DOCK9: variants seen among roughly 807,000 people sequenced by gnomAD.
The protein encoded by DOCK9 is dedicator of cytokinesis protein 9.
DOCK9 carries 89 observed loss-of-function variants against 263.3 expected under a neutral mutation model. That is an observed-to-expected ratio of 0.34 (90% CI 0.28 to 0.40). The LOEUF (loss-of-function observed/expected upper bound fraction) is 0.40. DOCK9 is among the 10% of genes least tolerant of loss of function. The pLI, the probability that DOCK9 is intolerant of heterozygous loss-of-function variation, is 1.00. For missense variants in DOCK9, 2,140 were observed against 2,603.4 expected (o/e 0.82, Z 3.87); for synonymous variants, 976 against 973.1 (o/e 1.00, Z -0.06).
chr13:98,794,691 C>A lies in DOCK9; in HGVS notation c.6214G>T (p.Ala2072Ser). 1 of 1,613,798 alleles carries A rather than the reference C, an allele frequency of 6.2e-7. No homozygotes were observed. The highest frequency in any genetic ancestry group is 8.5e-7 in the Non-Finnish European group (1 of 1,179,828). Reference sequence around the variant, plus strand: ...GTGCTTGTTGGAGTCCCACTGATGGCGTTGAAGATGTGAAGGGAATTCGGT... The same window carrying A: ...GTGCTTGTTGGAGTCCCACTGATGGAGTTGAAGATGTGAAGGGAATTCGGT... The part of the protein sequence containing the change: ...VLPNSLHIFN[A>S]ISGTPTSTMV... Residue 2072 changes from alanine (A) to serine (S), a missense_variant, in exon 53 of 53, where the codon GCC becomes TCC. Around this residue, in one of 2 missense-constraint regions of DOCK9, gnomAD observed 619 missense variants for 861.8 expected, o/e 0.72. Coordinates refer to ENST00000682017, the MANE Select transcript of DOCK9 (RefSeq NM_001366683.2).
chr13:98,922,273 C>T (rs1420991315), intron 5 of DOCK9, 127 bp from the exon 6 acceptor site: 2 of 591,756 alleles, frequency 3.4e-6, no homozygotes, highest in East Asian at 5.7e-5. Context: ...ACTGAAGCAC[C>T]CATTGACACC....
At chr13:98,856,052 C>T (rs1345302179) in intron 33 of DOCK9, 21 bp from the exon 34 acceptor site, 4 of 1,612,308 alleles carry the variant, frequency 2.5e-6, no homozygotes, top group East Asian at 2.2e-5. Flanking sequence ...ATCAAGCCAA[C>T]AATAAAGTTT....
At chr13:99,056,274 G>A (rs1163935030) in intron 1 of DOCK9, among the ~76,000 whole-genome samples, 1 of 151,682 alleles carries the variant, frequency 6.6e-6, no homozygotes, top group Non-Finnish European at 1.5e-5. Flanking sequence ...AGCTTCCCTG[G>A]CTATCCAATC....
intron 1 of DOCK9, among the ~76,000 whole-genome samples, chr13:98,969,885 C>T (rs1267948930): frequency 3.9e-5 from 6 of 152,334 alleles, no homozygotes; most frequent in Non-Finnish European, 5.9e-5. Flanking sequence ...CAGGCAAATT[C>T]AGGGTCAGCC....
At chr13:98,971,571 T>A (rs1382294920) in intron 1 of DOCK9, among the ~76,000 whole-genome samples, 5 of 65,104 alleles carry the variant, frequency 7.7e-5, no homozygotes, top group African/African-American at 4.3e-4. Context: ...AGCCGGGTGT[T>A]GTGGTGGGTG....
At chr13:98,809,738 A>G (rs918798790) in intron 46 of DOCK9, among the ~76,000 whole-genome samples, 5 of 152,210 alleles carry the variant, frequency 3.3e-5, no homozygotes, top group African/African-American at 1.2e-4. Flanking sequence ...TGGTTCCCCA[A>G]CGTGATTCTT....
In DOCK9 at chr13:98,805,058, T is replaced by G. The variant is rs1414647174; in HGVS notation, c.5666A>C (p.Gln1889Pro). The G allele has an allele frequency of 1.2e-6, 2 of 1,612,124 alleles. No homozygotes were observed. Among genetic ancestry groups the G allele is most frequent in the East Asian group, 2.2e-5 (1 of 44,844 alleles). The change falls in exon 49 of 53, where the codon CAG becomes CCG. Residue 1889 changes from glutamine to proline, a missense_variant. This residue lies in a region of DOCK9 where 619 missense variants were observed against 861.8 expected (regional missense o/e 0.72). Transcript: ENST00000682017. ...RRFMFEMPFT[Q>P]TGKRQGGVEE... ...CACCCCGCCCTGCCTCTTCCCGGTC[T>G]GCGTAAATGGCATCTCAAACATGAA...
intron 1 of DOCK9, among the ~76,000 whole-genome samples, chr13:99,065,193 A>G (rs2041363150): frequency 6.6e-6 from 1 of 152,208 alleles, no homozygotes; most frequent in African/African-American, 2.4e-5. Flanking sequence ...TCATTGAATA[A>G]ATAAATGTCC....
At chr13:98,912,486 A>C (rs1368320271) in intron 9 of DOCK9, among the ~76,000 whole-genome samples, 1 of 152,212 alleles carries the variant, frequency 6.6e-6, no homozygotes, top group Non-Finnish European at 1.5e-5. Flanking sequence ...AACTGATTTC[A>C]CCAACTAAAA....
intron 6 of DOCK9, 135 bp from the exon 7 acceptor site, chr13:98,921,223 G>T (rs2051929431): frequency 7.9e-6 from 7 of 880,894 alleles, no homozygotes; most frequent in Admixed American, 5.8e-5. Context: ...CCAGGTCACT[G>T]TGGGGTCAAG....
intron 1 of DOCK9, among the ~76,000 whole-genome samples, chr13:99,060,872 G>A (rs1314938199): frequency 6.6e-6 from 1 of 152,094 alleles, no homozygotes; most frequent in African/African-American, 2.4e-5. Flanking sequence ...CTATCCTCAG[G>A]GTCTGGCAGA....
chr13:98,992,462 T>C (rs895443949), intron 1 of DOCK9, among the ~76,000 whole-genome samples: 2 of 152,146 alleles, frequency 1.3e-5, no homozygotes, highest in Non-Finnish European at 2.9e-5. Flanking sequence ...GCAGCTGATA[T>C]GGTTTGGCTC....
At position 98,897,562 on chromosome 13, in the gene DOCK9, A is replaced by G; in HGVS notation, c.1635T>C (p.Phe545=). The G allele has an allele frequency of 6.2e-7, 1 of 1,613,994 alleles. No individual in the cohort carries two copies. The highest frequency in any genetic ancestry group is 1.3e-5 in the African/African-American group (1 of 75,056). The part of the protein sequence containing the change: ...ASGNLDKNAR[F]SAIYRQDSNK... The stretch of plus-strand genomic sequence containing the variant: ...TGCTGTCTTGCCTGTAGATGGCAGA[A>G]AATCTGGCATTTTTGTCAAGATTTC... Residue 545 remains phenylalanine, a synonymous_variant, in exon 15 of 53, where the codon TTT becomes TTC. Transcript: ENST00000682017.
chr13:98,880,552 G>C lies in DOCK9; in HGVS notation c.2866C>G (p.Leu956Val), dbSNP rs916845820. Residue 956 changes from leucine to valine, a missense_variant, in exon 26 of 53, where the codon CTG becomes GTG. Leu to Val is a conservative substitution (Grantham distance 32, BLOSUM62 1). This residue lies in a region of DOCK9 where 1,521 missense variants were observed against 1,741.7 expected (regional missense o/e 0.87). Transcript: ENST00000682017. Reference protein sequence around the residue: ...SADFLTSNKLLKYSWFFFDVL... With the variant: ...SADFLTSNKLVKYSWFFFDVL... ...CACTGACTCTCCTGACATACCTTCAGTAGTTTGTTGCTGGTGAGGAAATCG... is the reference window on the plus strand; with the variant it reads ...CACTGACTCTCCTGACATACCTTCACTAGTTTGTTGCTGGTGAGGAAATCG... 1 of 1,613,900 alleles carries C rather than the reference G, an allele frequency of 6.2e-7. No individual in the cohort carries two copies. The highest frequency in any genetic ancestry group is 1.3e-5 in the African/African-American group (1 of 75,032).
At chr13:99,075,682 CTT>C (rs5806093) in intron 1 of DOCK9, among the ~76,000 whole-genome samples, 33,292 of 148,552 alleles carry the variant, frequency 0.22, 3,992 homozygotes, top group East Asian at 0.43. Context: ...CTATTTATAA[CTT>C]TTTTTTTTTT....
At chr13:98,944,449 GA>G (rs1187973468) in intron 2 of DOCK9, among the ~76,000 whole-genome samples, 2 of 146,740 alleles carry the variant, frequency 1.4e-5, no homozygotes, top group Admixed American at 1.3e-4. Flanking sequence ...AGAAAATGAT[GA>G]AATACTTTGT....
chr13:98,827,989 G>A (rs1201110697), intron 43 of DOCK9, among the ~76,000 whole-genome samples: 5 of 152,186 alleles, frequency 3.3e-5, no homozygotes. Context: ...TTAAGATGAG[G>A]TCATACTGGT....
intron 39 of DOCK9, 43 bp from the exon 40 acceptor site, chr13:98,831,829 C>A: frequency 1.3e-6 from 2 of 1,594,170 alleles, no homozygotes; most frequent in Non-Finnish European, 1.7e-6. Context: ...TACCAGTCAC[C>A]TCTAGTAGGT....
chr13:98,957,932 A>G (rs1359323620), intron 1 of DOCK9, among the ~76,000 whole-genome samples: 2 of 100,236 alleles, frequency 2.0e-5, no homozygotes, highest in African/African-American at 6.9e-5. Flanking sequence ...AGCTGCCTGC[A>G]CAGGCACAGG....
Sources: gnomAD v4.1 joint callset for allele counts (sites outside exome capture counted in the v4.1 genomes callset) on GRCh38, gnomAD v4.1.1 for gene constraint, gnomAD v4.1.1 regional missense constraint, MANE v1.5 for transcripts, NCBI Gene and HGNC (gene_info 2026-07-23, HGNC 2026-07-21) for gene names.